Variants in RXFP1 observed in about 807,000 individuals in gnomAD.
The protein encoded by RXFP1 is relaxin receptor 1.
In RXFP1, 73 loss-of-function variants were observed where a neutral mutation model predicts 89.8. That is an observed-to-expected ratio of 0.81 (90% CI 0.67 to 0.99). The LOEUF is 0.99. Among genes scored for constraint, RXFP1 ranks in the 50% least tolerant of loss-of-function variants. The pLI, the probability that RXFP1 is intolerant of heterozygous loss-of-function variation, is 0.00. For synonymous variants in RXFP1, 277 were observed against 305.5 expected (o/e 0.91, Z 0.97); for missense variants, 793 against 895.5 (o/e 0.89, Z 1.46).
intron 1 of RXFP1, among the ~76,000 whole-genome samples, chr4:158,571,044 G>A (rs1190377474): frequency 3.3e-5 from 5 of 151,988 alleles, no homozygotes; most frequent in Non-Finnish European, 7.4e-5. Context: ...ATTTTACAGC[G>A]GCCTCCCTCT....
chr4:158,576,523 G>A (rs759148167), intron 2 of RXFP1, among the ~76,000 whole-genome samples: 11 of 152,016 alleles, frequency 7.2e-5, no homozygotes, highest in South Asian at 2.1e-4. Context: ...TATGAGCCTC[G>A]TGTCATTCTA....
chr4:158,611,489 C>T (rs935981450), intron 6 of RXFP1, among the ~76,000 whole-genome samples: 1 of 152,188 alleles, frequency 6.6e-6, no homozygotes, highest in African/African-American at 2.4e-5. Flanking sequence ...CTCCTTATAG[C>T]CCCTTCATGG....
intron 13 of RXFP1, 50 bp from the exon 14 acceptor site, chr4:158,639,210 C>A: frequency 9.9e-7 from 1 of 1,007,268 alleles, no homozygotes; most frequent in Non-Finnish European, 1.6e-6. Flanking sequence ...ATTTATTAAA[C>A]CATGTATAAT....
intron 9 of RXFP1, among the ~76,000 whole-genome samples, chr4:158,617,419 C>CAAAAA (rs201739625): frequency 8.4e-5 from 12 of 142,976 alleles, no homozygotes; most frequent in African/African-American, 3.2e-4. Context: ...TAAAACATCT[C>CAAAAA]AAAAAAAATA....
intron 3 of RXFP1, 139 bp downstream of exon 3, chr4:158,593,638 GAGGTCAATTAT>G: frequency 1.9e-6 from 1 of 536,408 alleles, no homozygotes; most frequent in Non-Finnish European, 3.2e-6. Flanking sequence ...AAATTCGTAA[GAGGTCAATTAT>G]AGTTTTCTAA....
intron 11 of RXFP1, among the ~76,000 whole-genome samples, chr4:158,630,846 T>C (rs781134187): frequency 9.2e-5 from 14 of 152,230 alleles, no homozygotes; most frequent in Non-Finnish European, 1.6e-4. Context: ...CTACACTCTG[T>C]GCCCCTCCAG....
chr4:158,607,222 C>A, intron 5 of RXFP1: 1 of 884,044 alleles, frequency 1.1e-6, no homozygotes, highest in Non-Finnish European at 1.8e-6. Flanking sequence ...CTCCAGTTAA[C>A]TCAAGGTCGT....
At chr4:158,544,048 C>A in intron 1 of RXFP1, 3 of 984,756 alleles carry the variant, frequency 3.0e-6, no homozygotes, top group Non-Finnish European at 3.6e-6. Flanking sequence ...ATCAATTCAG[C>A]TGTTTATTTC....
chr4:158,620,056 CAG>C (rs1765321118), intron 9 of RXFP1, among the ~76,000 whole-genome samples: 1 of 152,074 alleles, frequency 6.6e-6, no homozygotes, highest in African/African-American at 2.4e-5. Flanking sequence ...AACTTCCAAA[CAG>C]AGACATTAAA....
At chr4:158,557,211 A>G (rs1393250543) in intron 1 of RXFP1, among the ~76,000 whole-genome samples, 1 of 152,208 alleles carries the variant, frequency 6.6e-6, no homozygotes, top group East Asian at 1.9e-4. Context: ...TAATTACAAT[A>G]TGTATGTATC....
intron 6 of RXFP1, among the ~76,000 whole-genome samples, chr4:158,611,389 G>T (rs1276217104): frequency 1.3e-5 from 2 of 152,170 alleles, no homozygotes; most frequent in Non-Finnish European, 2.9e-5. Context: ...GTAAAGATGG[G>T]TAAGGCAGAG....
At chr4:158,592,816 C>T (rs1048223714) in intron 2 of RXFP1, among the ~76,000 whole-genome samples, 7 of 152,094 alleles carry the variant, frequency 4.6e-5, no homozygotes, top group Non-Finnish European at 4.4e-5. Flanking sequence ...ATAGTCAGGG[C>T]ATGGTGGCGC....
Position 158,582,973 on chromosome 4 carries a change from A to T in RXFP1, c.187+10138A>T, listed in dbSNP as rs554611286. Among the ~76,000 whole-genome samples, 34 of 152,324 alleles carry T rather than the reference A, an allele frequency of 2.2e-4. No homozygotes were observed. The South Asian group carries it at 7.1e-3, about 32-fold the overall frequency. On this transcript the variant is annotated intron_variant, in intron 2 of 17. Coordinates refer to ENST00000307765, the MANE Select transcript of RXFP1 (RefSeq NM_021634.4). ...TAAAAATCAAATACCAAGAAATTTG[A>T]CTACCTTATTATCTGTAAACTTCTG...
Position 158,628,726 on chromosome 4 carries a change from A to T in RXFP1, c.899+17A>T. 7.2e-7 allele frequency: 1 copy of T among 1,380,634 alleles called. No individual in the cohort carries two copies. The highest frequency in any genetic ancestry group is 1.0e-6 in the Non-Finnish European group (1 of 988,618). 85.5% of individuals were successfully genotyped at this position (1,380,634 alleles called of 1,614,324 possible). On this transcript the variant is annotated intron_variant, in intron 11 of 17. Transcript: ENST00000307765. ...GGATGAATTGTAAGTATGACTGAAC[A>T]TATACTGATAAGAATTTTCTTTCTA...
At chr4:158,625,100 G>A (rs1445762821) in intron 9 of RXFP1, among the ~76,000 whole-genome samples, 2 of 152,132 alleles carry the variant, frequency 1.3e-5, no homozygotes, top group Non-Finnish European at 2.9e-5. Flanking sequence ...CCTGGTGGTA[G>A]ATTCAGGGTA....
At chr4:158,599,166 T>G in intron 3 of RXFP1, 160 bp from the exon 4 acceptor site, 1 of 1,143,492 alleles carries the variant, frequency 8.7e-7, no homozygotes, top group Non-Finnish European at 1.2e-6. Context: ...AAGCAAACTT[T>G]GGAGCCTTAA....
At chr4:158,630,043 T>C (rs573932156) in intron 11 of RXFP1, among the ~76,000 whole-genome samples, 21 of 152,326 alleles carry the variant, frequency 1.4e-4, no homozygotes, top group Non-Finnish European at 2.6e-4. Flanking sequence ...ACAATTAGAA[T>C]GTTATGAAAA....
intron 2 of RXFP1, among the ~76,000 whole-genome samples, chr4:158,577,524 C>T (rs1241359813): frequency 6.6e-6 from 1 of 152,060 alleles, no homozygotes; most frequent in Non-Finnish European, 1.5e-5. Flanking sequence ...TAATAACTTA[C>T]AACTTAATAG....
intron 1 of RXFP1, among the ~76,000 whole-genome samples, chr4:158,542,109 A>ATATATATATATATATATATTT: frequency 8.5e-5 from 3 of 35,242 alleles, no homozygotes; most frequent in Non-Finnish European, 1.1e-4. Context: ...ATATATATAT[A>ATATATATATATATATATATTT]TTTTTTTTTT....
Sources: allele counts gnomAD v4.1 joint callset (sites outside exome capture counted in the v4.1 genomes callset), GRCh38; gene constraint gnomAD v4.1.1; transcripts MANE v1.5; gene names NCBI Gene and HGNC (gene_info 2026-07-23, HGNC 2026-07-21).